The following PPARGC1B variants were observed in gnomAD, a reference collection of about 807,000 sequenced individuals.
PPARGC1B encodes PPARG coactivator 1 beta.
A neutral mutation model predicts 101.6 loss-of-function variants in PPARGC1B; 34 were observed. That is an observed-to-expected ratio of 0.33 (90% CI 0.25 to 0.45). The LOEUF (loss-of-function observed/expected upper bound fraction) is 0.45, where lower values mean the gene tolerates loss of function less well. Ranked by LOEUF, PPARGC1B falls within the 20% of genes least tolerant of loss-of-function variation. The pLI, the probability that PPARGC1B is intolerant of heterozygous loss-of-function variation, is 1.00. For synonymous variants in PPARGC1B, 548 were observed against 539.3 expected, an observed-to-expected ratio of 1.02 and a Z score of -0.22; for missense variants, 1,234 against 1,317.6, an observed-to-expected ratio of 0.94 and a Z score of 0.98.
Position 149,836,971 on chromosome 5 carries a change from G to C in PPARGC1B, c.2516G>C (p.Ser839Thr), listed in dbSNP as rs753281223. 3.1e-6 allele frequency: 5 copies of C among 1,614,080 alleles called. No individual in the cohort carries two copies. The South Asian group carries it at 5.5e-5, about 18-fold the overall frequency. The change falls in exon 8 of 12, where the codon AGC becomes ACC. Residue 839 changes from serine to threonine, a missense_variant. Transcript: ENST00000309241. ...PTCSDHCPYQ[S>T]PPSKANRQLC... ...TGCTCTGACCACTGCCCCTACCAGA[G>C]CCCACCAAGCAAGGCCAACCGGCAG...
rs114004509 is a variant in PPARGC1B at position 149,822,320 on chromosome 5, C to T, written c.252+1714C>T. The stretch of plus-strand genomic sequence containing the variant: ...ACTAATGCTTTCAGGCACAAGTAAG[C>T]TTGGTGCGGCCCCAGTCCTGCAAGG... On this transcript the variant is annotated intron_variant, in intron 2 of 11. Transcript: ENST00000309241. Among the ~76,000 whole-genome samples the T allele has an allele frequency of 3.7e-3, 568 of 152,278 alleles. 8 individuals are homozygous for T. The highest frequency in any genetic ancestry group is 0.013 in the African/African-American group (543 of 41,566).
intron 1 of PPARGC1B, among the ~76,000 whole-genome samples, chr5:149,752,689 C>T (rs781088276): frequency 6.6e-5 from 10 of 152,006 alleles, no homozygotes; most frequent in Non-Finnish European, 1.3e-4. Flanking sequence ...ATTAGCCAGG[C>T]GTGGTGGCAG....
chr5:149,833,146 C>T lies in PPARGC1B; in HGVS notation c.1073C>T (p.Pro358Leu). 2.5e-6 allele frequency: 4 copies of T among 1,613,774 alleles called. No homozygotes were observed. The highest frequency in any genetic ancestry group is 3.4e-6 in the Non-Finnish European group (4 of 1,180,040). The change falls in exon 5 of 12, where the codon CCC (proline) becomes CTC (leucine). Residue 358 changes from proline to leucine, a missense_variant. Pro to Leu is a moderately conservative substitution (Grantham distance 98). This residue lies in a region of PPARGC1B where 734 missense variants were observed against 768.4 expected (regional missense o/e 0.96). Coordinates refer to ENST00000309241, the MANE Select transcript of PPARGC1B (RefSeq NM_133263.4). This position sits in a 1 kb window ranked among gnomAD's most constrained non-coding sequence, Gnocchi z 4.1. ...AQDVLCDVSK[P>L]YRLATPVYAS... ...GACGTGCTCTGTGATGTCAGCAAAC[C>T]CTACCGTCTGGCCACGCCTGTTTAT...
downstream of PPARGC1B, among the ~76,000 whole-genome samples, chr5:149,856,171 A>C (rs951041553): frequency 1.3e-5 from 2 of 152,178 alleles, no homozygotes; most frequent in Non-Finnish European, 2.9e-5. Context: ...TGTTATGTGC[A>C]AACTATTTTC....
intron 1 of PPARGC1B, among the ~76,000 whole-genome samples, chr5:149,749,611 A>G (rs747434763): frequency 3.9e-5 from 6 of 152,184 alleles, no homozygotes; most frequent in Non-Finnish European, 7.3e-5. Context: ...ATCTCCATTG[A>G]TCTCTATGTA....
At chr5:149,844,713 T>C (rs1759486862) in intron 10 of PPARGC1B, among the ~76,000 whole-genome samples, 1 of 152,188 alleles carries the variant, frequency 6.6e-6, no homozygotes, top group African/African-American at 2.4e-5. Flanking sequence ...TCAGGAAACA[T>C]GATTCACGTA....
rs1219750715 is a variant in PPARGC1B, at chr5:149,743,363, C to T, written c.78+12943C>T. 5.3e-5 allele frequency among the ~76,000 whole-genome samples: 8 copies of T among 152,102 alleles called. No homozygotes were observed. The East Asian group carries it at 1.6e-3, about 30-fold the overall frequency. On this transcript the variant is annotated intron_variant, in intron 1 of 11. Coordinates refer to ENST00000309241, the MANE Select transcript of PPARGC1B (RefSeq NM_133263.4). ...TGGAGATGGGATTTCTCCATATTGG[C>T]CAGGCTGGTCTCGAACTCGTGACCT...
chr5:149,822,920 A>G (rs143708216), intron 2 of PPARGC1B, among the ~76,000 whole-genome samples: 3 of 152,304 alleles, frequency 2.0e-5, no homozygotes, highest in East Asian at 3.9e-4. Flanking sequence ...CATGGGACCA[A>G]TGGGAATCAC....
At chr5:149,797,038 G>A (rs1307181938) in intron 1 of PPARGC1B, among the ~76,000 whole-genome samples, 1 of 152,166 alleles carries the variant, frequency 6.6e-6, no homozygotes, top group Non-Finnish European at 1.5e-5. Flanking sequence ...GGATTAGCTT[G>A]AAGGGCCTCC....
intron 1 of PPARGC1B, among the ~76,000 whole-genome samples, chr5:149,764,505 A>G (rs1468422452): frequency 6.6e-6 from 1 of 152,172 alleles, no homozygotes; most frequent in Admixed American, 6.5e-5. Flanking sequence ...CCCAAGTAGA[A>G]CAGGTGTTGG....
chr5:149,744,778 A>G, intron 1 of PPARGC1B, among the ~76,000 whole-genome samples: 1 of 152,236 alleles, frequency 6.6e-6, no homozygotes, highest in East Asian at 1.9e-4. Context: ...AAGGCTGCTT[A>G]AGGTAGCACA....
intron 1 of PPARGC1B, among the ~76,000 whole-genome samples, chr5:149,802,521 G>A (rs566348905): frequency 2.6e-5 from 4 of 151,918 alleles, no homozygotes; most frequent in African/African-American, 9.7e-5. Flanking sequence ...CAGGATTTGG[G>A]ATGGAGGCAG....
At chr5:149,809,896 G>A (rs553667875) in intron 1 of PPARGC1B, among the ~76,000 whole-genome samples, 20 of 152,028 alleles carry the variant, frequency 1.3e-4, no homozygotes, top group East Asian at 1.2e-3. Context: ...GGGGAGGGAC[G>A]TTCAACCTGG....
Position 149,826,688 on chromosome 5 carries a change from G to A in PPARGC1B, c.268G>A (p.Glu90Lys), listed in dbSNP as rs1258984202. The A allele has an allele frequency of 2.5e-6, 4 of 1,613,938 alleles. No individual in the cohort carries two copies. The highest frequency in any genetic ancestry group is 2.2e-5 in the East Asian group (1 of 44,874). The change falls in exon 3 of 12, where the codon GAG (glutamate) becomes AAG (lysine). Residue 90 changes from glutamate to lysine, a missense_variant. Coordinates refer to ENST00000309241, the MANE Select transcript of PPARGC1B (RefSeq NM_133263.4). The stretch of plus-strand genomic sequence containing the variant: ...CTCACTCCAGATTGACAGTGAGAAT[G>A]AGGCCCTCCTGGCAGAGCTCACCAA... ...SELFQIDSEN[E>K]ALLAELTKTL...
At chr5:149,788,465 T>C (rs935275345) in intron 1 of PPARGC1B, among the ~76,000 whole-genome samples, 8 of 152,220 alleles carry the variant, frequency 5.3e-5, no homozygotes, top group Non-Finnish European at 1.2e-4. Flanking sequence ...GGAACACTTT[T>C]ACACTGTTGG....
intron 1 of PPARGC1B, among the ~76,000 whole-genome samples, chr5:149,812,046 T>G (rs1253890091): frequency 6.6e-6 from 1 of 152,196 alleles, no homozygotes; most frequent in Non-Finnish European, 1.5e-5. Flanking sequence ...GGTACCTACT[T>G]GGCTAAGGCT....
At chr5:149,732,703 C>A (rs1314420791) in intron 1 of PPARGC1B, 2 of 432,408 alleles carry the variant, frequency 4.6e-6, no homozygotes, top group African/African-American at 2.1e-5. Flanking sequence ...TCGGAGAGCC[C>A]AGCCGGAAGA....
intron 2 of PPARGC1B, among the ~76,000 whole-genome samples, chr5:149,825,610 T>A (rs1010596097): frequency 1.3e-5 from 2 of 152,216 alleles, no homozygotes; most frequent in Non-Finnish European, 2.9e-5. Flanking sequence ...TTCCTTTTAT[T>A]TTCTTCCTAG....
chr5:149,812,349 C>G (rs1413380344), intron 1 of PPARGC1B, among the ~76,000 whole-genome samples: 2 of 152,102 alleles, frequency 1.3e-5, no homozygotes, highest in African/African-American at 4.8e-5. Context: ...TCTGTGGGGA[C>G]TAAGATAAAC....
Sources: allele counts gnomAD v4.1 joint callset (sites outside exome capture counted in the v4.1 genomes callset), GRCh38; gene constraint gnomAD v4.1.1; regional missense constraint gnomAD v4.1.1; non-coding constraint Gnocchi (gnomAD v3.1); transcripts MANE v1.5; gene names NCBI Gene and HGNC (gene_info 2026-07-23, HGNC 2026-07-21).